PCDHGA2: variants seen among roughly 807,000 people sequenced by gnomAD.
PCDHGA2 encodes the protein protocadherin gamma-A2.
PCDHGA2 carries 40 observed loss-of-function variants against 59.2 expected under a neutral mutation model. The ratio of observed to expected loss-of-function variants is 0.68; its 90% confidence interval spans 0.52 to 0.88. The LOEUF is 0.88. Among genes scored for constraint, PCDHGA2 ranks in the 40% least tolerant of loss-of-function variants. The pLI, the probability that PCDHGA2 is intolerant of heterozygous loss-of-function variation, is 0.00. For missense variants in PCDHGA2, 1,226 were observed against 1,204.0 expected, an observed-to-expected ratio of 1.02 and a Z score of -0.27; for synonymous variants, 560 against 526.0, an observed-to-expected ratio of 1.06 and a Z score of -0.89.
intron 1 of PCDHGA2, chr5:141,355,735 T>C: frequency 6.2e-7 from 1 of 1,613,956 alleles, no homozygotes; most frequent in African/African-American, 1.3e-5. Flanking sequence ...CGGTTACTTT[T>C]CCCTGGACGT....
At chr5:141,407,960 C>T in intron 1 of PCDHGA2, 1 of 669,186 alleles carries the variant, frequency 1.5e-6, no homozygotes, top group Non-Finnish European at 2.4e-6. Flanking sequence ...CAGTGCAGAG[C>T]AAGCGCTGAC....
In PCDHGA2 at chr5:141,341,077, C is replaced by G. The variant is rs768909381; in HGVS notation, c.2106C>G (p.Cys702Trp). The G allele has an allele frequency of 4.7e-5, 76 of 1,614,196 alleles. No individual in the cohort carries two copies. In the South Asian group the frequency reaches 7.9e-4, roughly 17 times the overall value. The change falls in exon 1 of 4, where the codon TGC becomes TGG. Residue 702 changes from cysteine to tryptophan, a missense_variant. Transcript: ENST00000394576. Reference protein sequence around the residue: ...YLVVAVAAVSCVFLAFVIVLL... With the variant: ...YLVVAVAAVSWVFLAFVIVLL... ...TGGTGGCGGTGGCCGCGGTCTCCTG[C>G]GTCTTCCTGGCCTTCGTCATCGTGT... is the stretch of plus-strand genomic sequence containing the variant.
chr5:141,476,820 T>C lies in PCDHGA2; in HGVS notation c.2425-17987T>C, dbSNP rs368919360. 6.2e-7 allele frequency: 1 copy of C among 1,613,594 alleles called. No individual in the cohort carries two copies. Among genetic ancestry groups the C allele is most frequent in the African/African-American group, 1.3e-5 (1 of 75,066 alleles). The stretch of plus-strand genomic sequence containing the variant: ...AGCCTGCCTATTCACATCAAGGTGC[T>C]GGACGCGAATGACAATGCGCCTGTC... On this transcript the variant is annotated intron_variant, in intron 1 of 3. Transcript: ENST00000394576. This position sits in a 1 kb window ranked among gnomAD's most constrained non-coding sequence, Gnocchi z 7.6.
intron 1 of PCDHGA2, chr5:141,391,723 C>CT (rs1366104842): frequency 6.6e-6 from 1 of 152,126 alleles, no homozygotes; most frequent in African/African-American, 2.4e-5. Flanking sequence ...GGGAAACAGA[C>CT]TTTTTTGTAG....
chr5:141,458,394 T>A (rs2098944697), intron 1 of PCDHGA2, among the ~76,000 whole-genome samples: 1 of 152,062 alleles, frequency 6.6e-6, no homozygotes, highest in African/African-American at 2.4e-5. Context: ...ACGCTCCCCC[T>A]TGCAGAGACG....
intron 1 of PCDHGA2, chr5:141,374,021 CA>C (rs1013436249): frequency 5.0e-6 from 7 of 1,406,050 alleles, no homozygotes; most frequent in Non-Finnish European, 6.5e-6. Context: ...CTGAGAAGAG[CA>C]AAAGTGATGC....
At chr5:141,397,591 A>G (rs1202251855) in intron 1 of PCDHGA2, among the ~76,000 whole-genome samples, 1 of 152,204 alleles carries the variant, frequency 6.6e-6, no homozygotes, top group Non-Finnish European at 1.5e-5. Flanking sequence ...ATTAATTATT[A>G]TATTGCCAGT....
chr5:141,427,381 T>G (rs1315804574), intron 1 of PCDHGA2: 1 of 458,822 alleles, frequency 2.2e-6, no homozygotes, highest in Middle Eastern at 3.2e-4. Context: ...GTGATCACTC[T>G]GTTCAAAACA....
intron 1 of PCDHGA2, chr5:141,345,662 C>A: frequency 6.2e-7 from 1 of 1,614,224 alleles, no homozygotes; most frequent in Non-Finnish European, 8.5e-7. Flanking sequence ...CTCCACTCAG[C>A]AGCAACGTGT....
At position 141,477,460 on chromosome 5, in the gene PCDHGA2, C is replaced by T; in HGVS notation, c.2425-17347C>T. 6.2e-7 allele frequency: 1 copy of T among 1,614,132 alleles called. No individual in the cohort carries two copies. Among genetic ancestry groups the T allele is most frequent in the Non-Finnish European group, 8.5e-7 (1 of 1,180,020 alleles). On this transcript the variant is annotated intron_variant, in intron 1 of 3. Transcript: ENST00000394576. The surrounding 1 kb of genome is among the most constrained non-coding windows in gnomAD (Gnocchi z 4.9). ...TTACAATAGTGCGTGTTCAAGTGTC[C>T]GACATCAATGACAACCCTCCACAAT...
chr5:141,510,229 C>T (rs904367594), intron 3 of PCDHGA2, among the ~76,000 whole-genome samples: 3 of 150,486 alleles, frequency 2.0e-5, no homozygotes, highest in African/African-American at 7.4e-5. Context: ...GCCGGGATCG[C>T]GCCACTGCAC....
At chr5:141,362,807 C>T (rs1762681821) in intron 1 of PCDHGA2, among the ~76,000 whole-genome samples, 1 of 152,214 alleles carries the variant, frequency 6.6e-6, no homozygotes, top group Non-Finnish European at 1.5e-5. Context: ...CTTTACATTA[C>T]TTCTCTCTGC....
At chr5:141,350,181 A>G (rs1376839012) in intron 1 of PCDHGA2, 5 of 1,332,568 alleles carry the variant, frequency 3.8e-6, no homozygotes, top group Non-Finnish European at 4.0e-6. Context: ...TCCTAAGCTC[A>G]AATCACAGAA....
chr5:141,351,657 C>T lies in PCDHGA2; in HGVS notation c.2424+10262C>T. ...TCTGAGAACAACCCACCTGGCGCCT[C>T]CATTGCACAAGTAAGCGCCTCCGAC... is the stretch of plus-strand genomic sequence containing the variant. On this transcript the variant is annotated intron_variant, in intron 1 of 3. Transcript: ENST00000394576. The T allele has an allele frequency of 6.2e-7, 1 of 1,614,048 alleles. No individual in the cohort carries two copies. Among genetic ancestry groups the T allele is most frequent in the Non-Finnish European group, 8.5e-7 (1 of 1,179,910 alleles).
chr5:141,374,406 T>A (rs748431130), intron 1 of PCDHGA2: 2 of 1,614,018 alleles, frequency 1.2e-6, no homozygotes, highest in East Asian at 2.2e-5. Context: ...AGTTTTAACA[T>A]CCTTGTCGAG....
intron 1 of PCDHGA2, chr5:141,355,294 C>T (rs1458136342): frequency 6.2e-7 from 1 of 1,613,896 alleles, no homozygotes; most frequent in East Asian, 2.2e-5. Flanking sequence ...CGAACAGATT[C>T]TCTACTCGGT....
chr5:141,410,505 A>T (rs2095401601), intron 1 of PCDHGA2: 1 of 1,613,848 alleles, frequency 6.2e-7, no homozygotes, highest in Non-Finnish European at 8.5e-7. Flanking sequence ...AATTTCCTAA[A>T]ATGCAGTGTG....
At chr5:141,374,154 G>T (rs376984494) in intron 1 of PCDHGA2, 4 of 1,611,790 alleles carry the variant, frequency 2.5e-6, no homozygotes, top group Non-Finnish European at 3.4e-6. Flanking sequence ...GGGACGCTGT[G>T]GGGGGCCGCG....
intron 3 of PCDHGA2, chr5:141,507,424 G>C (rs577364087): frequency 6.6e-6 from 1 of 152,202 alleles, no homozygotes; most frequent in African/African-American, 2.4e-5. Context: ...GGTTAAGTGG[G>C]GCCAGGCCTA....
Sources: gnomAD v4.1 joint callset for allele counts (sites outside exome capture counted in the v4.1 genomes callset) on GRCh38, gnomAD v4.1.1 for gene constraint, Gnocchi (gnomAD v3.1) non-coding constraint, MANE v1.5 for transcripts, NCBI Gene and HGNC (gene_info 2026-07-23, HGNC 2026-07-21) for gene names.